The following RBFOX1 variants were observed in gnomAD, a reference collection of about 807,000 sequenced individuals.
RBFOX1 encodes the protein RNA binding fox-1 homolog 1, also known as RNA binding protein fox-1 homolog 1.
RBFOX1 carries 8 observed loss-of-function variants against 57.7 expected under a neutral mutation model. The ratio of observed to expected loss-of-function variants is 0.14; its 90% CI spans 0.08 to 0.25. The LOEUF (loss-of-function observed/expected upper bound fraction) is 0.25. Ranked by LOEUF, RBFOX1 falls within the 10% of genes least tolerant of loss-of-function variation. The pLI is 1.00. For synonymous variants in RBFOX1, 326 were observed against 222.4 expected (o/e 1.47, Z -4.15); for missense variants, 611 against 548.5 (o/e 1.11, Z -1.14).
At chr16:5,617,241 C>T (rs2048058601) in intron 3 of RBFOX1, among the ~76,000 whole-genome samples, 1 of 152,164 alleles carries the variant, frequency 6.6e-6, no homozygotes, top group African/African-American at 2.4e-5. Context: ...CATGGCATTC[C>T]TCTAACTTCC....
chr16:5,777,811 C>A (rs891171114), intron 3 of RBFOX1, among the ~76,000 whole-genome samples: 2 of 152,174 alleles, frequency 1.3e-5, no homozygotes, highest in Admixed American at 6.6e-5. Flanking sequence ...CACTCTCCTA[C>A]TTAGCTCCTT....
chr16:5,986,635 G>A (rs1339667406), intron 4 of RBFOX1, among the ~76,000 whole-genome samples: 1 of 152,156 alleles, frequency 6.6e-6, no homozygotes, highest in South Asian at 2.1e-4. Context: ...GAATCACATA[G>A]TAGGCAGTCT....
In RBFOX1 at chr16:5,721,489, C is replaced by A. The variant is rs907622465; in HGVS notation, c.318+122528C>A. Reference sequence around the variant, plus strand: ...TCTTGCCCAATTGCCCTGGCTTGACCCTCCAGTGTAATGTTGAATAGATGA... The same window carrying A: ...TCTTGCCCAATTGCCCTGGCTTGACACTCCAGTGTAATGTTGAATAGATGA... On this transcript the variant is annotated intron_variant, in intron 3 of 19. Coordinates refer to the RBFOX1 transcript ENST00000641259. Among the ~76,000 whole-genome samples the A allele has an allele frequency of 5.3e-5, 8 of 152,104 alleles. No homozygotes were observed. In the East Asian group the frequency reaches 1.5e-3, roughly 29 times the overall value.
In RBFOX1 at chr16:7,574,816, A is replaced by G. The variant is rs917359194; in HGVS notation, c.271-4961A>G. 3.9e-5 allele frequency among the ~76,000 whole-genome samples: 6 copies of G among 152,182 alleles called. No individual in the cohort carries two copies. The East Asian group carries it at 9.7e-4, about 24-fold the overall frequency. On this transcript the variant is annotated intron_variant, in intron 5 of 15. Transcript: ENST00000550418. Reference sequence around the variant, plus strand: ...GTTAACCGTCACAACTCCTATTGACAGATGACAGCCTGACAGGAACATTCA... The same window carrying G: ...GTTAACCGTCACAACTCCTATTGACGGATGACAGCCTGACAGGAACATTCA...
intron 4 of RBFOX1, among the ~76,000 whole-genome samples, chr16:7,327,959 CT>C (rs2096633620): frequency 3.3e-5 from 5 of 152,166 alleles, no homozygotes; most frequent in African/African-American, 4.8e-5. Flanking sequence ...TAGATACCCC[CT>C]GTCTCTCATC....
intron 3 of RBFOX1, among the ~76,000 whole-genome samples, chr16:6,695,098 C>T (rs1351086875): frequency 1.3e-5 from 2 of 151,842 alleles, no homozygotes; most frequent in East Asian, 1.9e-4. Context: ...AGCCCTTGTC[C>T]CAGTGAATAT....
At chr16:6,245,072 G>A (rs2097561726) in intron 1 of RBFOX1, among the ~76,000 whole-genome samples, 1 of 152,108 alleles carries the variant, frequency 6.6e-6, no homozygotes, top group Non-Finnish European at 1.5e-5. Flanking sequence ...TTTCTTGGCA[G>A]AAGCTATATC....
At chr16:5,854,527 T>C (rs1188075357) in intron 3 of RBFOX1, among the ~76,000 whole-genome samples, 1 of 152,066 alleles carries the variant, frequency 6.6e-6, no homozygotes, top group African/African-American at 2.4e-5. Context: ...TAAGGCTGAA[T>C]AATGGTGTTT....
chr16:7,014,187 C>G (rs555035638), intron 3 of RBFOX1, among the ~76,000 whole-genome samples: 1 of 151,868 alleles, frequency 6.6e-6, no homozygotes, highest in Middle Eastern at 3.4e-3. Context: ...TGAAAATAAC[C>G]TGTTCAAAAT....
intron 3 of RBFOX1, among the ~76,000 whole-genome samples, chr16:5,608,114 G>T (rs991912166): frequency 6.6e-6 from 1 of 152,206 alleles, no homozygotes; most frequent in African/African-American, 2.4e-5. Flanking sequence ...GGTTGTTCCA[G>T]TGCTCATTCC....
intron 2 of RBFOX1, among the ~76,000 whole-genome samples, chr16:6,608,834 G>T (rs2097990136): frequency 6.6e-6 from 1 of 152,242 alleles, no homozygotes; most frequent in African/African-American, 2.4e-5. Flanking sequence ...TCTGCAGTGT[G>T]TCTCACTGGA....
chr16:6,840,850 G>T (rs973100853), intron 3 of RBFOX1, among the ~76,000 whole-genome samples: 1 of 143,546 alleles, frequency 7.0e-6, no homozygotes, highest in Non-Finnish European at 1.5e-5. Context: ...TCGTCCCATT[G>T]TACTCTAGCC....
intron 3 of RBFOX1, among the ~76,000 whole-genome samples, chr16:6,810,318 C>T (rs1462493766): frequency 1.3e-5 from 2 of 151,974 alleles, no homozygotes; most frequent in Non-Finnish European, 2.9e-5. Flanking sequence ...TAAATGAGAC[C>T]CATGAGGGCC....
chr16:5,245,898 T>G (rs2062287101), intron 1 of RBFOX1, among the ~76,000 whole-genome samples: 1 of 152,226 alleles, frequency 6.6e-6, no homozygotes, highest in Admixed American at 6.5e-5. Context: ...TTAGAGAAAT[T>G]ACCACTTATA....
chr16:7,577,614 G>A lies in RBFOX1; in HGVS notation c.271-2163G>A, dbSNP rs563703143. Among the ~76,000 whole-genome samples the A allele has an allele frequency of 2.0e-5, 3 of 152,182 alleles. No individual in the cohort carries two copies. The South Asian group carries it at 6.2e-4, about 32-fold the overall frequency. ...TTGCCTCTTATCCCAACATTTACCA[G>A]TCTCTGGGGATGGTGGCTCACGCCT... On this transcript the variant is annotated intron_variant, in intron 5 of 15. Coordinates refer to ENST00000550418, the MANE Select transcript of RBFOX1 (RefSeq NM_018723.4).
At chr16:6,459,163 G>A (rs991002077) in intron 2 of RBFOX1, among the ~76,000 whole-genome samples, 4 of 152,110 alleles carry the variant, frequency 2.6e-5, no homozygotes, top group African/African-American at 4.8e-5. Flanking sequence ...GTGAAACCCC[G>A]TCTCTACTAA....
intron 1 of RBFOX1, among the ~76,000 whole-genome samples, chr16:5,401,062 T>G (rs1016041376): frequency 6.6e-6 from 1 of 152,182 alleles, no homozygotes; most frequent in Non-Finnish European, 1.5e-5. Flanking sequence ...AAAGGAGATT[T>G]TTTAAAAATT....
At chr16:6,584,931 C>G (rs934568038) in intron 2 of RBFOX1, among the ~76,000 whole-genome samples, 5 of 152,170 alleles carry the variant, frequency 3.3e-5, no homozygotes, top group Admixed American at 6.5e-5. Flanking sequence ...GCGTTGAAAA[C>G]CAGTGACAAC....
chr16:6,500,858 C>G (rs2095889286), intron 2 of RBFOX1, among the ~76,000 whole-genome samples: 2 of 47,090 alleles, frequency 4.2e-5, no homozygotes, highest in South Asian at 1.5e-3. Context: ...TGTCTTTTAT[C>G]TCAGCCCTTG....
Sources: gnomAD v4.1 joint callset for allele counts (sites outside exome capture counted in the v4.1 genomes callset) on GRCh38, gnomAD v4.1.1 for gene constraint, MANE v1.5 for transcripts, NCBI Gene and HGNC (gene_info 2026-07-23, HGNC 2026-07-21) for gene names.